The following NRXN1 variants were observed in gnomAD, a reference collection of about 807,000 sequenced individuals.
NRXN1 encodes the protein neurexin-1.
A neutral mutation model predicts 150.9 loss-of-function variants in NRXN1; 39 were observed. That is an observed-to-expected ratio of 0.26 (90% CI 0.20 to 0.34). The LOEUF (loss-of-function observed/expected upper bound fraction) is 0.34. Ranked by LOEUF, NRXN1 falls within the 10% of genes least tolerant of loss-of-function variation. The pLI is 1.00. For missense variants in NRXN1, 1,815 were observed against 1,949.9 expected, an observed-to-expected ratio of 0.93 and a Z score of 1.30; for synonymous variants, 924 against 757.0, an observed-to-expected ratio of 1.22 and a Z score of -3.62.
chr2:49,960,133 T>C (rs549127121), intron 21 of NRXN1, among the ~76,000 whole-genome samples: 2 of 152,258 alleles, frequency 1.3e-5, no homozygotes, highest in East Asian at 3.9e-4. Flanking sequence ...CTTGGAAATT[T>C]TAAGTATGTT....
At chr2:50,312,174 C>G (rs1262611851) in intron 17 of NRXN1, among the ~76,000 whole-genome samples, 1 of 152,098 alleles carries the variant, frequency 6.6e-6, no homozygotes. Context: ...TAGATTTACC[C>G]TTTACCAGTC....
At chr2:50,764,464 G>C (rs1019261673) in intron 5 of NRXN1, among the ~76,000 whole-genome samples, 2 of 152,006 alleles carry the variant, frequency 1.3e-5, no homozygotes, top group Non-Finnish European at 2.9e-5. Context: ...CTACAGGGAA[G>C]GTGATAATGA....
chr2:50,308,341 G>A (rs1049272573), intron 17 of NRXN1, among the ~76,000 whole-genome samples: 3 of 150,964 alleles, frequency 2.0e-5, no homozygotes, highest in African/African-American at 2.4e-5. Context: ...TATTTTTTAC[G>A]TTTTTAGAGT....
At chr2:50,157,511 C>A (rs2152780686) in intron 18 of NRXN1, among the ~76,000 whole-genome samples, 1 of 152,112 alleles carries the variant, frequency 6.6e-6, no homozygotes, top group South Asian at 2.1e-4. Context: ...ATTCTTATTA[C>A]AAGACTTTCA....
At chr2:50,480,740 T>A (rs187437888) in intron 15 of NRXN1, among the ~76,000 whole-genome samples, 1 of 152,224 alleles carries the variant, frequency 6.6e-6, no homozygotes, top group Non-Finnish European at 1.5e-5. Flanking sequence ...GTGTTCCTGA[T>A]GCTACAGCAG....
intron 2 of NRXN1, among the ~76,000 whole-genome samples, chr2:50,963,398 A>G (rs1693519741): frequency 6.6e-6 from 1 of 151,482 alleles, no homozygotes; most frequent in Admixed American, 6.6e-5. Flanking sequence ...AAAACATTCT[A>G]TACTGGTCAA....
chr2:50,673,182 T>C (rs989340219), intron 5 of NRXN1, among the ~76,000 whole-genome samples: 10 of 152,186 alleles, frequency 6.6e-5, no homozygotes, highest in Admixed American at 2.6e-4. Flanking sequence ...TAAGGATATA[T>C]GTGTAAAAAT....
intron 2 of NRXN1, among the ~76,000 whole-genome samples, chr2:50,926,624 C>T (rs1023718623): frequency 6.6e-6 from 1 of 151,840 alleles, no homozygotes; most frequent in African/African-American, 2.4e-5. Context: ...AAAGTGATCA[C>T]TGGAAGAGAA....
At chr2:50,931,552 T>C (rs1687747713) in intron 2 of NRXN1, among the ~76,000 whole-genome samples, 1 of 152,058 alleles carries the variant, frequency 6.6e-6, no homozygotes, top group Non-Finnish European at 1.5e-5. Flanking sequence ...AAATATTTTA[T>C]ATTGTTATCT....
intron 17 of NRXN1, among the ~76,000 whole-genome samples, chr2:50,367,723 C>G (rs1313350345): frequency 6.6e-6 from 1 of 151,966 alleles, no homozygotes; most frequent in Non-Finnish European, 1.5e-5. Flanking sequence ...ATTCTTGCCT[C>G]AGTTAATGTA....
chr2:50,563,826 G>C (rs1490618307), intron 8 of NRXN1, among the ~76,000 whole-genome samples: 1 of 152,228 alleles, frequency 6.6e-6, no homozygotes, highest in South Asian at 2.1e-4. Context: ...TATCCAGTTG[G>C]TGGATTATCC....
chr2:50,209,024 T>C (rs1306777513), intron 18 of NRXN1, among the ~76,000 whole-genome samples: 1 of 152,098 alleles, frequency 6.6e-6, no homozygotes, highest in African/African-American at 2.4e-5. Flanking sequence ...CTTTGAACTC[T>C]GAAAGCCCAA....
intron 18 of NRXN1, among the ~76,000 whole-genome samples, chr2:50,228,118 A>G (rs1052152357): frequency 2.0e-5 from 3 of 152,062 alleles, no homozygotes; most frequent in Admixed American, 6.6e-5. Context: ...TTAAGTGTAA[A>G]ACACACATTG....
intron 18 of NRXN1, among the ~76,000 whole-genome samples, chr2:50,232,981 A>G (rs1251463303): frequency 2.0e-5 from 3 of 152,018 alleles, no homozygotes; most frequent in Non-Finnish European, 4.4e-5. Context: ...ATCAAGTTCT[A>G]TACTTTTCTG....
Position 50,814,531 on chromosome 2 carries a change from C to A in NRXN1, c.832+107338G>T, listed in dbSNP as rs150280476. ...CATGGAAGAACAAAAAAGAAGAACC[C>A]TGGGGAACAATTTCTGGGAGTATAT... On this transcript the variant is annotated intron_variant, in intron 5 of 22. Coordinates refer to ENST00000401669, the MANE Select transcript of NRXN1 (RefSeq NM_001330078.2). Among the ~76,000 whole-genome samples the A allele has an allele frequency of 6.1e-3, 931 of 152,072 alleles. 12 individuals are homozygous for A. Among genetic ancestry groups the A allele is most frequent in the African/African-American group, 0.022 (894 of 41,462 alleles).
intron 22 of NRXN1, among the ~76,000 whole-genome samples, chr2:49,941,572 C>T (rs969152826): frequency 3.9e-5 from 6 of 152,028 alleles, no homozygotes; most frequent in South Asian, 4.2e-4. Context: ...TACTGTGATT[C>T]ACTAGGTACT....
chr2:50,538,210 TTTTCATCTCAGGGA>T, intron 10 of NRXN1, 29 bp downstream of exon 10: 6 of 1,574,472 alleles, frequency 3.8e-6, no homozygotes, highest in Non-Finnish European at 5.2e-6. Context: ...TTTAATAAAC[TTTTCATCTCAGGGA>T]GTTGGCTGCT....
chr2:51,008,794 TA>T (rs1204785272), intron 2 of NRXN1, among the ~76,000 whole-genome samples: 4 of 151,908 alleles, frequency 2.6e-5, no homozygotes, highest in Middle Eastern at 3.4e-3. Context: ...AATGTTTTTA[TA>T]AAACTTGTAG....
intron 17 of NRXN1, among the ~76,000 whole-genome samples, chr2:50,381,355 G>A (rs1326833168): frequency 6.6e-6 from 1 of 152,052 alleles, no homozygotes; most frequent in Non-Finnish European, 1.5e-5. Context: ...ATGGGTGGCA[G>A]AAGAGGGAGG....
Sources: allele counts gnomAD v4.1 joint callset (sites outside exome capture counted in the v4.1 genomes callset), GRCh38; gene constraint gnomAD v4.1.1; transcripts MANE v1.5; gene names NCBI Gene and HGNC (gene_info 2026-07-23, HGNC 2026-07-21).